CEP85L: variants seen among roughly 807,000 people sequenced by gnomAD.
CEP85L encodes the protein centrosomal protein of 85 kDa-like.
A neutral mutation model predicts 100.3 loss-of-function variants in CEP85L; 60 were observed. The ratio of observed to expected loss-of-function variants is 0.60; its 90% CI spans 0.49 to 0.74. The LOEUF is 0.74. Among genes scored for constraint, CEP85L ranks in the 30% least tolerant of loss-of-function variants. CEP85L has a pLI of 0.00. For synonymous variants in CEP85L, 319 were observed against 322.7 expected (o/e 0.99, Z 0.12); for missense variants, 973 against 936.2 (o/e 1.04, Z -0.51).
chr6:118,518,919 C>T (rs982056765), intron 4 of CEP85L, among the ~76,000 whole-genome samples: 7 of 152,100 alleles, frequency 4.6e-5, no homozygotes, highest in Non-Finnish European at 7.4e-5. Flanking sequence ...TCAGAGATTC[C>T]GGTACATTGT....
intron 3 of CEP85L, among the ~76,000 whole-genome samples, chr6:118,553,200 T>C (rs1321242980): frequency 2.2e-5 from 3 of 138,362 alleles, no homozygotes; most frequent in Non-Finnish European, 3.1e-5. Flanking sequence ...TTAAACAGCT[T>C]AGCTGTTAAG....
intron 1 of CEP85L, among the ~76,000 whole-genome samples, chr6:118,649,918 A>G (rs1384396130): frequency 1.3e-5 from 2 of 152,256 alleles, no homozygotes; most frequent in Non-Finnish European, 2.9e-5. Context: ...ATGTCTTTTT[A>G]AAAACCACAC....
upstream of CEP85L, chr6:118,652,582 A>C: frequency 2.0e-6 from 3 of 1,467,664 alleles, no homozygotes; most frequent in Non-Finnish European, 2.7e-6. Context: ...CCTGTTCTGG[A>C]ATCTTGCTAA....
At chr6:118,532,329 G>C (rs550745364) in intron 3 of CEP85L, among the ~76,000 whole-genome samples, 16 of 152,104 alleles carry the variant, frequency 1.1e-4, no homozygotes, top group African/African-American at 3.9e-4. Flanking sequence ...ACAAAGAAAG[G>C]AACAACAGAT....
At chr6:118,667,965 C>T (rs1039156198) in intron 1 of CEP85L, among the ~76,000 whole-genome samples, 26 of 152,174 alleles carry the variant, frequency 1.7e-4, no homozygotes, top group African/African-American at 6.0e-4. Flanking sequence ...CTACTATGTT[C>T]CTCATAATAA....
Position 118,559,043 on chromosome 6 carries a change from GTC to G in CEP85L, c.1020+6484_1020+6485del, listed in dbSNP as rs1779074612. 6.2e-7 allele frequency: 1 copy of G among 1,611,174 alleles called. No individual in the cohort carries two copies. The highest frequency in any genetic ancestry group is 1.3e-5 in the African/African-American group (1 of 74,872). ...ATCAATTTCTGTCTCATCTTAATAT[GTC>G]TCTTGCTGATCTGTATCATCGTGAT... On this transcript the variant is annotated intron_variant, in intron 3 of 12. Transcript: ENST00000368491.
chr6:118,689,844 TC>T (rs1219229075), intron 1 of CEP85L, among the ~76,000 whole-genome samples: 2 of 151,938 alleles, frequency 1.3e-5, no homozygotes, highest in Admixed American at 1.3e-4. Context: ...GACATTATCT[TC>T]CCCCCTTCAG....
chr6:118,542,561 A>C (rs1051901481), intron 3 of CEP85L, among the ~76,000 whole-genome samples: 9 of 150,030 alleles, frequency 6.0e-5, no homozygotes, highest in African/African-American at 2.2e-4. Context: ...CCTTCCATTT[A>C]TTTACGAGAA....
chr6:118,504,791 T>C (rs1775536810), intron 5 of CEP85L, among the ~76,000 whole-genome samples: 1 of 152,178 alleles, frequency 6.6e-6, no homozygotes, highest in South Asian at 2.1e-4. Context: ...ACGCTATCTC[T>C]ACACATACAG....
At chr6:118,630,597 A>T (rs1774082695) in intron 2 of CEP85L, among the ~76,000 whole-genome samples, 1 of 152,272 alleles carries the variant, frequency 6.6e-6, no homozygotes, top group Non-Finnish European at 1.5e-5. Flanking sequence ...GATATTACTC[A>T]GCACTAAAAG....
At chr6:118,624,104 C>T (rs1773627268) in intron 2 of CEP85L, among the ~76,000 whole-genome samples, 2 of 152,126 alleles carry the variant, frequency 1.3e-5, no homozygotes, top group Admixed American at 1.3e-4. Flanking sequence ...CCACTTGAGG[C>T]CCTGCTTCTC....
At chr6:118,604,897 A>T (rs1772079168) in intron 2 of CEP85L, among the ~76,000 whole-genome samples, 1 of 150,000 alleles carries the variant, frequency 6.7e-6, no homozygotes, top group Admixed American at 6.6e-5. Flanking sequence ...TTTCCAAAAG[A>T]TTACTAAAGT....
intron 1 of CEP85L, among the ~76,000 whole-genome samples, chr6:118,669,519 A>C (rs556721642): frequency 6.6e-6 from 1 of 152,250 alleles, no homozygotes; most frequent in East Asian, 1.9e-4. Context: ...AAACAAACTA[A>C]ACATTTCCTT....
intron 5 of CEP85L, among the ~76,000 whole-genome samples, chr6:118,493,602 C>T (rs529735588): frequency 1.3e-5 from 2 of 152,096 alleles, no homozygotes; most frequent in South Asian, 4.2e-4. Flanking sequence ...AATGAAGAAA[C>T]TGGAAGCAGG....
intron 5 of CEP85L, 131 bp downstream of exon 5, chr6:118,511,167 A>C: frequency 1.5e-6 from 1 of 647,936 alleles, no homozygotes; most frequent in Non-Finnish European, 2.7e-6. Context: ...TCTTTGCCAC[A>C]CATATAAATA....
At chr6:118,528,298 A>G (rs1777093433) in intron 3 of CEP85L, among the ~76,000 whole-genome samples, 1 of 151,968 alleles carries the variant, frequency 6.6e-6, no homozygotes, top group African/African-American at 2.4e-5. Flanking sequence ...ACAGCAACTG[A>G]CAACACTATT....
intron 1 of CEP85L, among the ~76,000 whole-genome samples, chr6:118,643,689 A>G (rs773507466): frequency 6.6e-6 from 1 of 152,226 alleles, no homozygotes; most frequent in Non-Finnish European, 1.5e-5. Context: ...AGGAGAAAAA[A>G]AACAAAAGTA....
chr6:118,702,771 C>T (rs1254555139), intron 1 of CEP85L, among the ~76,000 whole-genome samples: 1 of 152,016 alleles, frequency 6.6e-6, no homozygotes, highest in Non-Finnish European at 1.5e-5. Flanking sequence ...CTGAGGCAGG[C>T]GGATCACGAA....
Position 118,651,370 on chromosome 6 carries a change from G to A in CEP85L, c.-101C>T. 6.6e-6 allele frequency: 9 copies of A among 1,371,830 alleles called. No individual in the cohort carries two copies. The highest frequency in any genetic ancestry group is 8.5e-6 in the Non-Finnish European group (9 of 1,063,882). 85.0% of individuals were successfully genotyped at this position (1,371,830 alleles called of 1,614,324 possible). A position where few individuals can be genotyped will look rare whatever the true frequency, so the allele number is the denominator to read the frequency against. Reference sequence around the variant, plus strand: ...ACTTGCGCGGAGCGTGGGCCTCGGCGACACGGGCAGGAGGAAAGGCGGGAT... The same window carrying A: ...ACTTGCGCGGAGCGTGGGCCTCGGCAACACGGGCAGGAGGAAAGGCGGGAT... On this transcript the variant is annotated 5_prime_UTR_variant, in exon 1 of 13. Transcript: ENST00000368491.
Sources: allele counts gnomAD v4.1 joint callset (sites outside exome capture counted in the v4.1 genomes callset), GRCh38; gene constraint gnomAD v4.1.1; transcripts MANE v1.5; gene names NCBI Gene and HGNC (gene_info 2026-07-23, HGNC 2026-07-21).